NEK10: variants seen among roughly 807,000 people sequenced by gnomAD.
NEK10 encodes serine/threonine-protein kinase Nek10.
NEK10 carries 122 observed loss-of-function variants against 159.8 expected under a neutral mutation model. The observed-to-expected ratio is 0.76, with a 90% confidence interval of 0.66 to 0.89. The LOEUF is 0.89. Ranked by LOEUF, NEK10 falls within the 40% of genes least tolerant of loss-of-function variation. The pLI is 0.00. For missense variants in NEK10, 1,342 were observed against 1,323.1 expected, an observed-to-expected ratio of 1.01 and a Z score of -0.22; for synonymous variants, 466 against 457.1, an observed-to-expected ratio of 1.02 and a Z score of -0.25.
At chr3:27,140,328 T>C (rs1943660773) in intron 31 of NEK10, among the ~76,000 whole-genome samples, 2 of 152,122 alleles carry the variant, frequency 1.3e-5, no homozygotes, top group African/African-American at 4.8e-5. Flanking sequence ...CTGGGACCCC[T>C]TGAGGAAGGC....
At chr3:27,171,793 T>C in intron 29 of NEK10, 26 bp downstream of exon 29, 1 of 1,611,256 alleles carries the variant, frequency 6.2e-7, no homozygotes, top group Non-Finnish European at 8.5e-7. Context: ...TCAAAAAATA[T>C]TTCTAGGAGT....
chr3:27,147,987 A>C (rs934975626), intron 30 of NEK10, among the ~76,000 whole-genome samples: 10 of 152,236 alleles, frequency 6.6e-5, no homozygotes, highest in African/African-American at 2.4e-4. Context: ...CAACTTTAAG[A>C]ATTGTGCTTT....
intron 35 of NEK10, 47 bp from the exon 36 acceptor site, chr3:27,111,367 T>A: frequency 6.9e-7 from 1 of 1,446,554 alleles, no homozygotes; most frequent in Non-Finnish European, 9.4e-7. Context: ...TACAAATATT[T>A]TAGTTCATAC....
chr3:27,267,327 AGTAGCTGCTTATATAT>A (rs2149380253), intron 22 of NEK10, among the ~76,000 whole-genome samples: 1 of 152,336 alleles, frequency 6.6e-6, no homozygotes, highest in East Asian at 1.9e-4. Flanking sequence ...CCCTAGAGGT[AGTAGCTGCTTATATAT>A]GTATACCTCA....
At chr3:27,244,100 GA>G (rs1954830070) in intron 23 of NEK10, among the ~76,000 whole-genome samples, 1 of 152,142 alleles carries the variant, frequency 6.6e-6, no homozygotes, top group Non-Finnish European at 1.5e-5. Flanking sequence ...ATGCCAAGAG[GA>G]AAATTCTAGG....
At chr3:27,271,826 G>GA (rs2041383406) in intron 22 of NEK10, among the ~76,000 whole-genome samples, 1 of 151,398 alleles carries the variant, frequency 6.6e-6, no homozygotes, top group South Asian at 2.1e-4. Context: ...AATGACAATA[G>GA]AAAACATTTT....
intron 23 of NEK10, among the ~76,000 whole-genome samples, chr3:27,230,944 A>G (rs894859019): frequency 5.9e-5 from 9 of 151,936 alleles, no homozygotes; most frequent in Non-Finnish European, 1.3e-4. Flanking sequence ...TACTCCCAAT[A>G]GACAGATCAT....
rs150921315 is a variant in NEK10 at position 27,303,526 on chromosome 3, G to C, written c.1028+1221C>G. Among the ~76,000 whole-genome samples the C allele has an allele frequency of 2.9e-3, 436 of 152,236 alleles. 3 individuals are homozygous for C. The highest frequency in any genetic ancestry group is 3.0e-3 in the Non-Finnish European group (203 of 68,010). ...TGTAATTATTTTGACCAAGGGGCTG[G>C]CTTATTATGTCACAGCACTAATGAA... On this transcript the variant is annotated intron_variant, in intron 12 of 35. Transcript: ENST00000691995.
At chr3:27,329,472 T>C (rs2046245097) in intron 5 of NEK10, among the ~76,000 whole-genome samples, 1 of 152,162 alleles carries the variant, frequency 6.6e-6, no homozygotes, top group Non-Finnish European at 1.5e-5. Flanking sequence ...GATGTGACTG[T>C]CAGTTACTTC....
chr3:27,313,727 T>C (rs2149607060), intron 7 of NEK10, among the ~76,000 whole-genome samples: 1 of 152,328 alleles, frequency 6.6e-6, no homozygotes, highest in Non-Finnish European at 1.5e-5. Context: ...CCTTTTGTTG[T>C]TGTGAGGCGG....
chr3:27,198,399 G>C (rs1282350809), intron 25 of NEK10, among the ~76,000 whole-genome samples: 1 of 149,260 alleles, frequency 6.7e-6, no homozygotes, highest in East Asian at 1.9e-4. Context: ...CAGGGCTACA[G>C]TAACCAAAAC....
intron 23 of NEK10, among the ~76,000 whole-genome samples, chr3:27,238,819 G>A (rs1164279134): frequency 6.7e-6 from 1 of 149,092 alleles, no homozygotes; most frequent in African/African-American, 2.5e-5. Context: ...ACAGATTTAT[G>A]GAAATGAAAG....
intron 1 of NEK10, among the ~76,000 whole-genome samples, chr3:27,361,605 G>C (rs905714765): frequency 9.9e-5 from 15 of 152,254 alleles, no homozygotes; most frequent in Non-Finnish European, 1.8e-4. Context: ...GCCAGGCACT[G>C]AGGATACAAC....
intron 1 of NEK10, among the ~76,000 whole-genome samples, chr3:27,367,160 C>A (rs1043620791): frequency 3.9e-5 from 6 of 152,130 alleles, no homozygotes; most frequent in African/African-American, 1.4e-4. Flanking sequence ...AAGCACTATA[C>A]CTTTGGTATG....
At chr3:27,357,885 A>G (rs1000006501) in intron 1 of NEK10, among the ~76,000 whole-genome samples, 2 of 152,164 alleles carry the variant, frequency 1.3e-5, no homozygotes, top group African/African-American at 4.8e-5. Context: ...GAGGCTGGGA[A>G]AGGAGAACTG....
At position 27,106,522 on chromosome 3, in the gene NEK10, T is replaced by C. The variant is rs1939014389; in HGVS notation, c.*4750A>G. Among the ~76,000 whole-genome samples, 1 of 152,222 alleles carries C rather than the reference T, an allele frequency of 6.6e-6. No homozygotes were observed. Among genetic ancestry groups the C allele is most frequent in the Non-Finnish European group, 1.5e-5 (1 of 68,030 alleles). On this transcript the variant is annotated 3_prime_UTR_variant, in exon 36 of 36. Transcript: ENST00000691995. ...TTTTAGCTAAAATTTAATAGCCATT[T>C]ACAAGCTTTATATTCTATTTCAGAA...
At chr3:27,330,730 C>T (rs1478444108) in intron 5 of NEK10, among the ~76,000 whole-genome samples, 2 of 152,108 alleles carry the variant, frequency 1.3e-5, no homozygotes, top group African/African-American at 4.8e-5. Context: ...GAGGTGGAGA[C>T]GGAGTGCTTC....
At chr3:27,133,675 G>A (rs1461424930) in intron 31 of NEK10, among the ~76,000 whole-genome samples, 2 of 152,210 alleles carry the variant, frequency 1.3e-5, no homozygotes, top group Non-Finnish European at 2.9e-5. Flanking sequence ...TTGGGAGGCT[G>A]AGGCAGGACA....
chr3:27,138,223 C>T (rs971598647), intron 31 of NEK10, among the ~76,000 whole-genome samples: 6 of 152,138 alleles, frequency 3.9e-5, no homozygotes, highest in African/African-American at 1.2e-4. Context: ...TGGAGCAACA[C>T]CTAACTCAGG....
Sources: gnomAD v4.1 joint callset for allele counts (sites outside exome capture counted in the v4.1 genomes callset) on GRCh38, gnomAD v4.1.1 for gene constraint, MANE v1.5 for transcripts, NCBI Gene and HGNC (gene_info 2026-07-23, HGNC 2026-07-21) for gene names.